Variants in CACNA1B observed in about 807,000 individuals in gnomAD.
CACNA1B encodes the protein voltage-dependent N-type calcium channel subunit alpha-1B.
In CACNA1B, 70 loss-of-function variants were observed where a neutral mutation model predicts 247.2. The observed-to-expected ratio is 0.28, with a 90% CI of 0.23 to 0.35. The LOEUF is 0.35. CACNA1B is among the 10% of genes least tolerant of loss of function. The pLI is 1.00. For synonymous variants in CACNA1B, 1,231 were observed against 1,294.4 expected (o/e 0.95, Z 1.05); for missense variants, 2,367 against 3,197.4 (o/e 0.74, Z 6.26).
At chr9:138,105,197 G>A (rs940494293) in intron 38 of CACNA1B, among the ~76,000 whole-genome samples, 3 of 152,252 alleles carry the variant, frequency 2.0e-5, no homozygotes, top group African/African-American at 7.2e-5. Flanking sequence ...GCTAAAACCA[G>A]GATGTCACCT....
chr9:138,017,044 C>T (rs138573486), intron 18 of CACNA1B: 13 of 479,484 alleles, frequency 2.7e-5, no homozygotes, highest in African/African-American at 3.9e-5. Context: ...TGGCAGCCTG[C>T]GCCTACACTG....
chr9:137,960,373 TGGGGTGTGGGGG>T, intron 10 of CACNA1B, among the ~76,000 whole-genome samples: 1 of 83,414 alleles, frequency 1.2e-5, no homozygotes, highest in African/African-American at 4.9e-5. Context: ...GACGCGGCGG[TGGGGTGTGGGGG>T]AGGTTGGCCT....
At chr9:137,941,945 A>G (rs1957736954) in intron 6 of CACNA1B, among the ~76,000 whole-genome samples, 1 of 152,222 alleles carries the variant, frequency 6.6e-6, no homozygotes. Flanking sequence ...AAGAACCCAA[A>G]AGAAAATGCA....
At chr9:138,103,477 A>G (rs1157091796) in intron 38 of CACNA1B, among the ~76,000 whole-genome samples, 6 of 152,128 alleles carry the variant, frequency 3.9e-5, no homozygotes, top group African/African-American at 1.4e-4. Context: ...CTCGGGGCCC[A>G]GGAGTCATGG....
Position 137,986,337 on chromosome 9 carries a change from T to C in CACNA1B, c.1770-76T>C. ...AGGGTTTAGAAAGTCAGTGGAGCCTTAAGTGTGGCTGCAGAGAGCCATGAA... is the reference window on the plus strand; with the variant it reads ...AGGGTTTAGAAAGTCAGTGGAGCCTCAAGTGTGGCTGCAGAGAGCCATGAA... On this transcript the variant is annotated intron_variant, in intron 13 of 46. Transcript: ENST00000371372. The surrounding 1 kb of genome is among the most constrained non-coding windows in gnomAD (Gnocchi z 6.0). 1 of 1,529,784 alleles carries C rather than the reference T, an allele frequency of 6.5e-7. No homozygotes were observed. Among genetic ancestry groups the C allele is most frequent in the Admixed American group, 1.8e-5 (1 of 55,704 alleles). The allele number at this position is 1,529,784 out of a possible 1,614,324, so 94.8% of individuals were successfully genotyped here.
rs573472426 is a variant in CACNA1B at position 138,080,188 on chromosome 9, C to T, written c.5094+1930C>T. Among the ~76,000 whole-genome samples the T allele has an allele frequency of 2.6e-5, 4 of 152,276 alleles. No homozygotes were observed. The South Asian group carries it at 6.2e-4, about 24-fold the overall frequency. On this transcript the variant is annotated intron_variant, in intron 36 of 46. Transcript: ENST00000371372. ...TTATCCAGATTCGGGATTTCCCAGA[C>T]AAGTGCAAGGAGGGAGAGAAGGGTG...
chr9:137,973,359 G>A lies in CACNA1B; in HGVS notation c.1543+1767G>A, dbSNP rs1282743238. Among the ~76,000 whole-genome samples, 5 of 152,324 alleles carry A rather than the reference G, an allele frequency of 3.3e-5. No homozygotes were observed. In the East Asian group the frequency reaches 7.7e-4, roughly 23 times the overall value. On this transcript the variant is annotated intron_variant, in intron 11 of 46. Transcript: ENST00000371372. This position sits in a 1 kb window ranked among gnomAD's most constrained non-coding sequence, Gnocchi z 4.1. The stretch of plus-strand genomic sequence containing the variant: ...TAGGTAGGACAGGCTTGCCAGAGGC[G>A]AGGGGGTGTGGCCGCCCAGCCTAGA...
chr9:138,119,046 G>A (rs1961979660), intron 44 of CACNA1B, among the ~76,000 whole-genome samples: 2 of 152,058 alleles, frequency 1.3e-5, no homozygotes. Flanking sequence ...CTCCTATTAG[G>A]GGCCATGGGG....
intron 20 of CACNA1B, among the ~76,000 whole-genome samples, chr9:138,036,759 G>A (rs1226180054): frequency 2.0e-5 from 3 of 152,098 alleles, no homozygotes; most frequent in Non-Finnish European, 4.4e-5. Context: ...CCTGTGCTCC[G>A]TCTCCACCCA....
chr9:137,917,967 G>A lies in CACNA1B; in HGVS notation c.966+536G>A, dbSNP rs778890462. Among the ~76,000 whole-genome samples, 2 of 152,214 alleles carry A rather than the reference G, an allele frequency of 1.3e-5. No homozygotes were observed. The highest frequency in any genetic ancestry group is 2.4e-5 in the African/African-American group (1 of 41,460). On this transcript the variant is annotated intron_variant, in intron 6 of 46. Transcript: ENST00000371372. The surrounding 1 kb of genome is among the most constrained non-coding windows in gnomAD (Gnocchi z 5.5). ...GGACAGTAGGGCTGCTGGGCCTCCCGTCCCCAGGCTGCCCGGCGAAGGTGG... is the reference window on the plus strand; with the variant it reads ...GGACAGTAGGGCTGCTGGGCCTCCCATCCCCAGGCTGCCCGGCGAAGGTGG...
At position 138,065,589 on chromosome 9, in the gene CACNA1B, G is replaced by A. The variant is rs927788721; in HGVS notation, c.4669-4169G>A. 9.9e-5 allele frequency among the ~76,000 whole-genome samples: 15 copies of A among 152,186 alleles called. No individual in the cohort carries two copies. The East Asian group carries it at 1.9e-3, about 20-fold the overall frequency. On this transcript the variant is annotated intron_variant, in intron 31 of 46. Transcript: ENST00000371372. ...CTGCCCTTCCTTTCTGGGTGCTGACGTTGGAGCATGAGAGACTTGTGGAGT... is the reference window on the plus strand; with the variant it reads ...CTGCCCTTCCTTTCTGGGTGCTGACATTGGAGCATGAGAGACTTGTGGAGT...
chr9:137,904,624 T>C (rs1424778342), intron 3 of CACNA1B, among the ~76,000 whole-genome samples: 1 of 151,872 alleles, frequency 6.6e-6, no homozygotes, highest in African/African-American at 2.4e-5. Flanking sequence ...CACCTCTGCC[T>C]CTCAAAGGGC....
Position 138,118,086 on chromosome 9 carries a change from G to GC in CACNA1B, c.5913+6dup. The stretch of plus-strand genomic sequence containing the variant: ...GTGGGGCGGTCAGGAGCACTGGTGA[G>GC]CACTCCCGGGGGCTAGTGAGACTGG... On this transcript the variant is annotated splice_donor_region_variant and intron_variant, in intron 43 of 46. Coordinates refer to ENST00000371372, the MANE Select transcript of CACNA1B (RefSeq NM_000718.4). The GC allele has an allele frequency of 1.3e-6, 2 of 1,551,818 alleles. No homozygotes were observed. Among genetic ancestry groups the GC allele is most frequent in the Non-Finnish European group, 1.7e-6 (2 of 1,147,134 alleles).
At chr9:137,922,169 G>A (rs112982211) in intron 6 of CACNA1B, among the ~76,000 whole-genome samples, 1,359 of 117,870 alleles carry the variant, frequency 0.012, 14 homozygotes, top group South Asian at 0.016. Context: ...ACACCACACC[G>A]CACAGCATCC....
At chr9:137,984,590 T>C (rs954054461) in intron 13 of CACNA1B, among the ~76,000 whole-genome samples, 1 of 152,120 alleles carries the variant, frequency 6.6e-6, no homozygotes, top group African/African-American at 2.4e-5. Context: ...AAGACAGAAG[T>C]CATCAGATGG....
At chr9:138,107,707 G>A (rs973286875) in intron 39 of CACNA1B, among the ~76,000 whole-genome samples, 2 of 152,060 alleles carry the variant, frequency 1.3e-5, no homozygotes, top group African/African-American at 2.4e-5. Flanking sequence ...ACTAATGGCC[G>A]GGCGCAGTGG....
intron 6 of CACNA1B, among the ~76,000 whole-genome samples, chr9:137,921,750 A>G (rs1225338676): frequency 6.8e-6 from 1 of 147,854 alleles, no homozygotes; most frequent in Non-Finnish European, 1.5e-5. Context: ...GCGTTCGGAG[A>G]ACACGATCAG....
At chr9:137,959,082 T>C (rs921246297) in intron 10 of CACNA1B, among the ~76,000 whole-genome samples, 1 of 152,190 alleles carries the variant, frequency 6.6e-6, no homozygotes, top group Non-Finnish European at 1.5e-5. Flanking sequence ...TTAATTAATT[T>C]TTTTTTGAGA....
At chr9:138,071,828 G>A (rs1205645185) in intron 32 of CACNA1B, among the ~76,000 whole-genome samples, 1 of 152,042 alleles carries the variant, frequency 6.6e-6, no homozygotes, top group Non-Finnish European at 1.5e-5. Context: ...GAGCCAGTGG[G>A]TGCTGTGTTG....
Sources: allele counts gnomAD v4.1 joint callset (sites outside exome capture counted in the v4.1 genomes callset), GRCh38; gene constraint gnomAD v4.1.1; non-coding constraint Gnocchi (gnomAD v3.1); transcripts MANE v1.5; gene names NCBI Gene and HGNC (gene_info 2026-07-23, HGNC 2026-07-21).